Variants in CACNA2D4 observed in about 807,000 individuals in gnomAD.
CACNA2D4 encodes calcium voltage-gated channel auxiliary subunit alpha2delta 4.
CACNA2D4 carries 157 observed loss-of-function variants against 163.8 expected under a neutral mutation model. The ratio of observed to expected loss-of-function variants is 0.96; its 90% CI spans 0.84 to 1.09. The LOEUF (loss-of-function observed/expected upper bound fraction) is 1.09. CACNA2D4 is among the 50% of genes least tolerant of loss of function. The pLI, the probability that CACNA2D4 is intolerant of heterozygous loss-of-function variation, is 0.00. For synonymous variants in CACNA2D4, 598 were observed against 586.9 expected, an observed-to-expected ratio of 1.02 and a Z score of -0.27; for missense variants, 1,410 against 1,479.9, an observed-to-expected ratio of 0.95 and a Z score of 0.78.
chr12:1,816,760 GCA>G (rs1863887211), intron 26 of CACNA2D4, among the ~76,000 whole-genome samples: 1 of 151,994 alleles, frequency 6.6e-6, no homozygotes, highest in Non-Finnish European at 1.5e-5. Context: ...ACACATACAT[GCA>G]CACACATGGA....
chr12:1,837,951 C>T (rs1864919121), intron 26 of CACNA2D4, among the ~76,000 whole-genome samples: 1 of 152,182 alleles, frequency 6.6e-6, no homozygotes, highest in Non-Finnish European at 1.5e-5. Context: ...GAGGGGAGAA[C>T]TCTTGCAGCC....
At position 1,879,888 on chromosome 12, in the gene CACNA2D4, G is replaced by A. The variant is rs751387470; in HGVS notation, c.1486-7C>T. 1.3e-6 allele frequency: 2 copies of A among 1,589,322 alleles called. No homozygotes were observed. The highest frequency in any genetic ancestry group is 3.6e-5 in the Admixed American group (2 of 56,286). On this transcript the variant is annotated splice_region_variant and splice_polypyrimidine_tract_variant and intron_variant, in intron 13 of 37. Coordinates refer to ENST00000382722, the MANE Select transcript of CACNA2D4 (RefSeq NM_172364.5). Reference sequence around the variant, plus strand: ...GAGCCTGCGAGCTGAGGAGCTGTAAGGGAGGGGAGAACAGGGGTCAGAAGG... The same window carrying A: ...GAGCCTGCGAGCTGAGGAGCTGTAAAGGAGGGGAGAACAGGGGTCAGAAGG...
At chr12:1,905,584 T>A (rs895958071) in intron 6 of CACNA2D4, among the ~76,000 whole-genome samples, 3 of 152,088 alleles carry the variant, frequency 2.0e-5, no homozygotes, top group African/African-American at 7.2e-5. Context: ...AAATTATTTT[T>A]AAAAATCCTA....
chr12:1,831,846 T>C (rs184030297), intron 26 of CACNA2D4, among the ~76,000 whole-genome samples: 2 of 146,712 alleles, frequency 1.4e-5, no homozygotes, highest in Non-Finnish European at 3.0e-5. Flanking sequence ...TTAGGTTACA[T>C]AAGGGCAGTA....
chr12:1,838,414 A>G (rs1336658952), intron 26 of CACNA2D4, among the ~76,000 whole-genome samples: 1 of 152,236 alleles, frequency 6.6e-6, no homozygotes, highest in African/African-American at 2.4e-5. Context: ...TTCCAGGGAC[A>G]GCAAATGAAC....
chr12:1,802,224 C>T lies in CACNA2D4; in HGVS notation c.2722-580G>A, dbSNP rs1195366788. 6.6e-6 allele frequency among the ~76,000 whole-genome samples: 1 copy of T among 152,072 alleles called. No individual in the cohort carries two copies. The highest frequency in any genetic ancestry group is 1.5e-5 in the Non-Finnish European group (1 of 68,004). On this transcript the variant is annotated intron_variant, in intron 29 of 37. Coordinates refer to ENST00000382722, the MANE Select transcript of CACNA2D4 (RefSeq NM_172364.5). The surrounding 1 kb of genome is among the most constrained non-coding windows in gnomAD (Gnocchi z 4.7). ...GTGCCCTGTGGATCGGTCATTTGTC[C>T]CCTCCATGACAATGACCTAACCGGA...
intron 26 of CACNA2D4, among the ~76,000 whole-genome samples, chr12:1,812,797 C>T (rs966010063): frequency 1.3e-5 from 2 of 152,154 alleles, no homozygotes; most frequent in Non-Finnish European, 2.9e-5. Context: ...TCCTGGTGAT[C>T]GGGAAGGAGC....
intron 29 of CACNA2D4, among the ~76,000 whole-genome samples, chr12:1,808,865 G>A (rs556296472): frequency 5.3e-4 from 81 of 152,282 alleles, no homozygotes; most frequent in African/African-American, 1.8e-3. Context: ...ACAAAGGTCC[G>A]GTGCTCTGTC....
Position 1,907,546 on chromosome 12 carries a change from G to A in CACNA2D4, c.675C>T (p.Tyr225=), listed in dbSNP as rs1866688552. The A allele has an allele frequency of 1.2e-6, 2 of 1,612,830 alleles. No homozygotes were observed. The highest frequency in any genetic ancestry group is 1.7e-6 in the Non-Finnish European group (2 of 1,179,090). ...AGACAGCATTCAAGGCTTCAGACAT[G>A]TAGACTCCATTTAAAATATCTGGGT... ...NKDPDILNGV[Y]MSEALNAVFV... is the part of the protein sequence containing the mutation. The change falls in exon 6 of 38, where the codon TAC becomes TAT. Residue 225 remains tyrosine (Y), a synonymous_variant. Coordinates refer to ENST00000382722, the MANE Select transcript of CACNA2D4 (RefSeq NM_172364.5).
At chr12:1,805,326 A>C (rs1351484036) in intron 29 of CACNA2D4, among the ~76,000 whole-genome samples, 1 of 152,082 alleles carries the variant, frequency 6.6e-6, no homozygotes, top group African/African-American at 2.4e-5. Flanking sequence ...CCAGGCCTGG[A>C]CTAATTTGCA....
chr12:1,805,013 A>T (rs979579446), intron 29 of CACNA2D4, among the ~76,000 whole-genome samples: 12 of 152,206 alleles, frequency 7.9e-5, no homozygotes, highest in Non-Finnish European at 1.5e-5. Context: ...TCGACGTGGG[A>T]TGCCTTGTCG....
intron 7 of CACNA2D4, 66 bp downstream of exon 7, chr12:1,886,943 G>T: frequency 8.4e-7 from 1 of 1,187,094 alleles, no homozygotes; most frequent in Non-Finnish European, 1.2e-6. Context: ...GGAGGAGGAT[G>T]AGGCAAAACC....
chr12:1,881,650 C>G (rs1866002002), intron 13 of CACNA2D4, among the ~76,000 whole-genome samples: 1 of 152,224 alleles, frequency 6.6e-6, no homozygotes, highest in African/African-American at 2.4e-5. Context: ...TCCTTCTCCC[C>G]ACCCACCTCT....
chr12:1,889,670 C>T (rs948672028), intron 6 of CACNA2D4, among the ~76,000 whole-genome samples: 2 of 151,724 alleles, frequency 1.3e-5, no homozygotes, highest in African/African-American at 4.8e-5. Flanking sequence ...GATAAGACTT[C>T]AGGGGTAATA....
rs1320948204 is a variant in CACNA2D4 at position 1,806,916 on chromosome 12, G to A, written c.2721+3362C>T. On this transcript the variant is annotated intron_variant, in intron 29 of 37. Transcript: ENST00000382722. This position sits in a 1 kb window ranked among gnomAD's most constrained non-coding sequence, Gnocchi z 4.1. ...GGGGAGGCCAGGCCCTGTGGCCCTCGATGGCACTTGTGTGTTTGGGGAAGA... is the reference window on the plus strand; with the variant it reads ...GGGGAGGCCAGGCCCTGTGGCCCTCAATGGCACTTGTGTGTTTGGGGAAGA... Among the ~76,000 whole-genome samples, 1 of 152,066 alleles carries A rather than the reference G, an allele frequency of 6.6e-6. No individual in the cohort carries two copies. The highest frequency in any genetic ancestry group is 1.9e-4 in the East Asian group (1 of 5,132).
intron 20 of CACNA2D4, among the ~76,000 whole-genome samples, chr12:1,857,563 T>C (rs75307153): frequency 2.0e-5 from 3 of 152,238 alleles, no homozygotes; most frequent in East Asian, 1.9e-4. Context: ...GAGGGTAGTA[T>C]GTGGGTGTTA....
chr12:1,826,025 G>A (rs78755035), intron 26 of CACNA2D4, among the ~76,000 whole-genome samples: 4 of 152,146 alleles, frequency 2.6e-5, no homozygotes, highest in Non-Finnish European at 5.9e-5. Flanking sequence ...CCGTAGGTGT[G>A]GGGCAGAAAT....
intron 6 of CACNA2D4, among the ~76,000 whole-genome samples, chr12:1,891,112 T>G (rs2470393): frequency 0.48 from 73,486 of 151,988 alleles, 20,820 homozygotes; most frequent in Non-Finnish European, 0.62. Flanking sequence ...GCAAGCCACC[T>G]GGAGGCCCAA....
chr12:1,827,063 G>A (rs569049291), intron 26 of CACNA2D4, among the ~76,000 whole-genome samples: 15 of 152,344 alleles, frequency 9.8e-5, no homozygotes, highest in African/African-American at 2.9e-4. Flanking sequence ...GCCGCCTGGA[G>A]CAGTGGGCTG....
Sources: allele counts gnomAD v4.1 joint callset (sites outside exome capture counted in the v4.1 genomes callset), GRCh38; gene constraint gnomAD v4.1.1; non-coding constraint Gnocchi (gnomAD v3.1); transcripts MANE v1.5; gene names NCBI Gene and HGNC (gene_info 2026-07-23, HGNC 2026-07-21).